Variants in SYNDIG1 observed in about 807,000 individuals in gnomAD.
The protein encoded by SYNDIG1 is synapse differentiation-inducing gene protein 1.
In SYNDIG1, 9 loss-of-function variants were observed where a neutral mutation model predicts 19.4. The ratio of observed to expected loss-of-function variants is 0.46; its 90% CI spans 0.28 to 0.81. The LOEUF (loss-of-function observed/expected upper bound fraction) is 0.81, where lower values mean the gene tolerates loss of function less well. SYNDIG1 is among the 30% of genes least tolerant of loss of function. SYNDIG1 has a pLI of 0.12. For synonymous variants in SYNDIG1, 141 were observed against 145.9 expected (o/e 0.97, Z 0.24); for missense variants, 311 against 343.3 (o/e 0.91, Z 0.74).
chr20:24,487,093 T>G, intron 1 of SYNDIG1, among the ~76,000 whole-genome samples: 1 of 150,916 alleles, frequency 6.6e-6, no homozygotes, highest in Non-Finnish European at 1.5e-5. Flanking sequence ...TATTTGGGAG[T>G]AGTTGTCCCT....
chr20:24,512,715 A>C (rs1242278462), intron 1 of SYNDIG1, among the ~76,000 whole-genome samples: 1 of 152,236 alleles, frequency 6.6e-6, no homozygotes, highest in East Asian at 1.9e-4. Context: ...GCATAGTCGA[A>C]CAAAAGGCAG....
At chr20:24,514,462 A>G (rs958885139) in intron 1 of SYNDIG1, among the ~76,000 whole-genome samples, 1 of 152,214 alleles carries the variant, frequency 6.6e-6, no homozygotes, top group Non-Finnish European at 1.5e-5. Context: ...AAAAAAAGGC[A>G]GGGGTTGCAA....
chr20:24,543,071 C>G lies in SYNDIG1; in HGVS notation c.-27C>G, dbSNP rs540350911. On this transcript the variant is annotated 5_prime_UTR_variant, in exon 2 of 4. Coordinates refer to ENST00000376862, the MANE Select transcript of SYNDIG1 (RefSeq NM_024893.3). ...TAACCTACATTCCCAGCCCACCAGC[C>G]TGACGCCCAGCCAGGGAGAGAGTAC... The G allele has an allele frequency of 1.2e-6, 2 of 1,600,304 alleles. No homozygotes were observed. Among genetic ancestry groups the G allele is most frequent in the Non-Finnish European group, 1.7e-6 (2 of 1,170,402 alleles).
At chr20:24,553,450 C>T (rs1180292640) in intron 2 of SYNDIG1, among the ~76,000 whole-genome samples, 2 of 152,178 alleles carry the variant, frequency 1.3e-5, no homozygotes, top group Non-Finnish European at 2.9e-5. Context: ...TTAGGTCTAA[C>T]ATGTAAGTCC....
chr20:24,516,431 C>T (rs1339992352), intron 1 of SYNDIG1, among the ~76,000 whole-genome samples: 5 of 152,196 alleles, frequency 3.3e-5, no homozygotes, highest in African/African-American at 1.2e-4. Context: ...GCAATCTACT[C>T]ATCTGACAAA....
In SYNDIG1 at chr20:24,472,571, T is replaced by C. The variant is rs1443119472; in HGVS notation, c.-79+2818T>C. On this transcript the variant is annotated intron_variant, in intron 1 of 3. Transcript: ENST00000376862. ...CTAGTCGGTGCTATTCTGAGGTTCA[T>C]GGAGAGTACTGAACATTTCATTGTC... Among the ~76,000 whole-genome samples the C allele has an allele frequency of 2.0e-5, 3 of 152,240 alleles. No individual in the cohort carries two copies. In the East Asian group the frequency reaches 5.8e-4, roughly 29 times the overall value.
At position 24,513,255 on chromosome 20, in the gene SYNDIG1, A is replaced by G. The variant is rs943809000; in HGVS notation, c.-78-29765A>G. ...AAAGGAACGCAGCTCCTCGCCAGCA[A>G]TGGAAAAAAGCTGGATGGAGAATGA... On this transcript the variant is annotated intron_variant, in intron 1 of 3. Coordinates refer to ENST00000376862, the MANE Select transcript of SYNDIG1 (RefSeq NM_024893.3). Among the ~76,000 whole-genome samples the G allele has an allele frequency of 2.0e-5, 3 of 152,372 alleles. No individual in the cohort carries two copies. In the South Asian group the frequency reaches 6.2e-4, roughly 32 times the overall value.
intron 1 of SYNDIG1, among the ~76,000 whole-genome samples, chr20:24,509,155 G>A (rs1440431989): frequency 6.6e-6 from 1 of 152,154 alleles, no homozygotes; most frequent in Admixed American, 6.5e-5. Flanking sequence ...TGGGTTATGG[G>A]CATGTTTTAT....
intron 3 of SYNDIG1, among the ~76,000 whole-genome samples, chr20:24,652,059 G>C (rs1463208489): frequency 6.6e-6 from 1 of 152,228 alleles, no homozygotes; most frequent in Non-Finnish European, 1.5e-5. Context: ...AGAAAAAAAT[G>C]GTTGTTGTTC....
At chr20:24,599,579 A>T (rs2058647130) in intron 3 of SYNDIG1, among the ~76,000 whole-genome samples, 1 of 152,224 alleles carries the variant, frequency 6.6e-6, no homozygotes, top group East Asian at 1.9e-4. Context: ...TATGGAATCA[A>T]CCGAAGTGCC....
chr20:24,535,817 C>G (rs1444321313), intron 1 of SYNDIG1, among the ~76,000 whole-genome samples: 1 of 152,150 alleles, frequency 6.6e-6, no homozygotes, highest in Non-Finnish European at 1.5e-5. Context: ...TGAGACCCCT[C>G]TCTTCATGGC....
intron 2 of SYNDIG1, among the ~76,000 whole-genome samples, chr20:24,561,941 C>A (rs564450145): frequency 2.9e-4 from 44 of 152,354 alleles, no homozygotes; most frequent in Admixed American, 5.9e-4. Context: ...TCTGTTGGAG[C>A]AGTCCCTAAA....
At chr20:24,500,549 C>CTTTCT (rs2056429389) in intron 1 of SYNDIG1, among the ~76,000 whole-genome samples, 1 of 139,152 alleles carries the variant, frequency 7.2e-6, no homozygotes, top group African/African-American at 2.9e-5. Context: ...TTCTTTCTTT[C>CTTTCT]TTTTTTCTTT....
intron 2 of SYNDIG1, among the ~76,000 whole-genome samples, chr20:24,572,928 G>GTGGA (rs1226924034): frequency 6.6e-6 from 1 of 152,182 alleles, no homozygotes; most frequent in African/African-American, 2.4e-5. Context: ...GATGGGTAGT[G>GTGGA]TGGATGGATG....
intron 3 of SYNDIG1, among the ~76,000 whole-genome samples, chr20:24,591,179 A>T (rs1207739912): frequency 1.3e-5 from 2 of 151,880 alleles, no homozygotes; most frequent in African/African-American, 4.8e-5. Context: ...AGGCCTAGGG[A>T]GAAGAACTGC....
intron 3 of SYNDIG1, among the ~76,000 whole-genome samples, chr20:24,630,819 GT>G (rs1287981405): frequency 6.6e-6 from 1 of 152,228 alleles, no homozygotes; most frequent in Non-Finnish European, 1.5e-5. Context: ...GTTATAGAAT[GT>G]CCCATCTAGA....
chr20:24,525,706 TTC>T (rs1365518887), intron 1 of SYNDIG1, among the ~76,000 whole-genome samples: 1 of 152,198 alleles, frequency 6.6e-6, no homozygotes, highest in Non-Finnish European at 1.5e-5. Context: ...AGAATTTGTA[TTC>T]TCTGTTGGAT....
At chr20:24,588,135 T>G (rs2058448281) in intron 3 of SYNDIG1, among the ~76,000 whole-genome samples, 1 of 152,178 alleles carries the variant, frequency 6.6e-6, no homozygotes, top group African/African-American at 2.4e-5. Flanking sequence ...CATACAGTGA[T>G]GTTAAAATGA....
intron 2 of SYNDIG1, among the ~76,000 whole-genome samples, chr20:24,574,649 T>C (rs1357081800): frequency 6.6e-6 from 1 of 152,180 alleles, no homozygotes; most frequent in Non-Finnish European, 1.5e-5. Context: ...AACCATTGGA[T>C]TAAATGCCTA....
Sources: gnomAD v4.1 joint callset for allele counts (sites outside exome capture counted in the v4.1 genomes callset) on GRCh38, gnomAD v4.1.1 for gene constraint, MANE v1.5 for transcripts, NCBI Gene and HGNC (gene_info 2026-07-23, HGNC 2026-07-21) for gene names.